The following RPGRIP1 variants were observed in gnomAD, a reference collection of about 807,000 sequenced individuals.
The protein encoded by RPGRIP1 is X-linked retinitis pigmentosa GTPase regulator-interacting protein 1.
Under a neutral mutation model 157.9 loss-of-function variants are expected in RPGRIP1, and 128 were observed. The ratio of observed to expected loss-of-function variants is 0.81; its 90% CI spans 0.70 to 0.94. The LOEUF is 0.94. RPGRIP1 is among the 40% of genes least tolerant of loss of function. The pLI, the probability that RPGRIP1 is intolerant of heterozygous loss-of-function variation, is 0.00. For synonymous variants in RPGRIP1, 554 were observed against 571.6 expected (o/e 0.97, Z 0.44); for missense variants, 1,486 against 1,545.8 (o/e 0.96, Z 0.65).
intron 6 of RPGRIP1, among the ~76,000 whole-genome samples, chr14:21,303,952 C>T (rs1881158709): frequency 6.7e-6 from 1 of 148,888 alleles, no homozygotes; most frequent in Non-Finnish European, 1.5e-5. Flanking sequence ...AACGCCATTG[C>T]ACTCTAGCCT....
intron 21 of RPGRIP1, among the ~76,000 whole-genome samples, chr14:21,338,659 T>C (rs899404201): frequency 6.7e-6 from 1 of 148,378 alleles, no homozygotes; most frequent in African/African-American, 2.4e-5. Context: ...TACTCATAGA[T>C]AAAAAATGGT....
rs1475543055 is a variant in RPGRIP1 at position 21,315,463 on chromosome 14, C to T, written c.1152-2233C>T. ...CGGAGCTTGCAGTGAGCCGAGATCG[C>T]GCCACTGCACTCCAGCCTGGGCGAC... On this transcript the variant is annotated intron_variant, in intron 10 of 24. Coordinates refer to ENST00000400017, the MANE Select transcript of RPGRIP1 (RefSeq NM_020366.4). 3.3e-5 allele frequency among the ~76,000 whole-genome samples: 5 copies of T among 150,424 alleles called. No homozygotes were observed. In the East Asian group the frequency reaches 7.9e-4, roughly 24 times the overall value.
chr14:21,321,205 T>C, intron 12 of RPGRIP1, 54 bp from the exon 13 acceptor site: 1 of 1,543,856 alleles, frequency 6.5e-7, no homozygotes. Flanking sequence ...AGAATCATTA[T>C]TACTTTACCT....
At chr14:21,334,855 C>A in intron 21 of RPGRIP1, 150 bp downstream of exon 21, 1 of 491,832 alleles carries the variant, frequency 2.0e-6, no homozygotes, top group Non-Finnish European at 3.6e-6. Flanking sequence ...CCAGCCTGAC[C>A]AACATGGAGA....
At chr14:21,285,235 A>G (rs1253562240) in intron 1 of RPGRIP1, among the ~76,000 whole-genome samples, 1 of 151,928 alleles carries the variant, frequency 6.6e-6, no homozygotes, top group Non-Finnish European at 1.5e-5. Flanking sequence ...TTCAGCTACC[A>G]AAGTCAGAGA....
intron 24 of RPGRIP1, 57 bp downstream of exon 24, chr14:21,348,359 A>C (rs1374271081): frequency 2.6e-5 from 35 of 1,323,008 alleles, no homozygotes; most frequent in Non-Finnish European, 3.5e-5. Flanking sequence ...CTAATAGTGA[A>C]TATATTTTAT....
chr14:21,312,686 T>A (rs943294824), intron 10 of RPGRIP1, among the ~76,000 whole-genome samples, 180 bp downstream of exon 10: 2 of 151,468 alleles, frequency 1.3e-5, no homozygotes, highest in African/African-American at 4.8e-5. Context: ...TAAATGTGCA[T>A]ATCCTCTTTT....
In RPGRIP1 at chr14:21,351,209, T is replaced by C. The variant is rs1566376938; in HGVS notation, c.3854T>C (p.Phe1285Ser). The C allele has an allele frequency of 1.3e-6, 2 of 1,590,294 alleles. No homozygotes were observed. The highest frequency in any genetic ancestry group is 1.7e-5 in the Admixed American group (1 of 59,166). The change falls in exon 25 of 25, where the codon TTT becomes TCT. Residue 1285 changes from phenylalanine to serine, a missense_variant. Coordinates refer to ENST00000400017, the MANE Select transcript of RPGRIP1 (RefSeq NM_020366.4). Reference protein sequence around the residue: ...AIYKEMTEDLFS With the variant: ...AIYKEMTEDLSS Reference sequence around the variant, plus strand: ...TACAAGGAGATGACTGAAGATTTGTTTTCATGAAGGAACAAGTGCTATTCC... The same window carrying C: ...TACAAGGAGATGACTGAAGATTTGTCTTCATGAAGGAACAAGTGCTATTCC...
chr14:21,341,745 G>A (rs765512174), intron 21 of RPGRIP1, among the ~76,000 whole-genome samples: 3 of 152,114 alleles, frequency 2.0e-5, no homozygotes, highest in Non-Finnish European at 4.4e-5. Flanking sequence ...CAGCGACTGT[G>A]AAGTGGGATT....
chr14:21,313,944 CTTTTTTT>C (rs537298482), intron 10 of RPGRIP1, among the ~76,000 whole-genome samples: 1 of 137,220 alleles, frequency 7.3e-6, no homozygotes, highest in East Asian at 2.1e-4. Flanking sequence ...CACTTTTATT[CTTTTTTT>C]TTTTTTTTTC....
chr14:21,339,431 C>G (rs567658821), intron 21 of RPGRIP1, among the ~76,000 whole-genome samples: 1 of 151,912 alleles, frequency 6.6e-6, no homozygotes, highest in Non-Finnish European at 1.5e-5. Flanking sequence ...GGTGACAGAG[C>G]GAAACTCGGT....
chr14:21,325,195 C>G (rs780643672), intron 15 of RPGRIP1, 37 bp from the exon 16 acceptor site: 1 of 1,570,618 alleles, frequency 6.4e-7, no homozygotes, highest in Non-Finnish European at 8.6e-7. Flanking sequence ...GCCACACCAT[C>G]TGTATTCCCC....
chr14:21,340,402 C>T (rs921274278), intron 21 of RPGRIP1, among the ~76,000 whole-genome samples: 8 of 152,188 alleles, frequency 5.3e-5, no homozygotes, highest in Non-Finnish European at 1.2e-4. Context: ...CGCCTGTAGT[C>T]CCAACACTTT....
At position 21,294,773 on chromosome 14, in the gene RPGRIP1, A is replaced by G. The variant is rs1192734148; in HGVS notation, c.182A>G (p.Lys61Arg). 1 of 1,603,824 alleles carries G rather than the reference A, an allele frequency of 6.2e-7. No homozygotes were observed. The highest frequency in any genetic ancestry group is 1.7e-5 in the Admixed American group (1 of 59,488). The change falls in exon 3 of 25, where the codon AAG (lysine) becomes AGG (arginine). Residue 61 changes from lysine (K) to arginine (R), a missense_variant. Coordinates refer to ENST00000400017, the MANE Select transcript of RPGRIP1 (RefSeq NM_020366.4). ...CTTCGCGAAGATCACATGTTGGTGA[A>G]GGAGCTTTCTTGGAAGCAACAGGAT... ...FRLREDHMLV[K>R]ELSWKQQDEI...
intron 10 of RPGRIP1, among the ~76,000 whole-genome samples, chr14:21,315,302 T>A (rs530344384): frequency 6.6e-6 from 1 of 151,598 alleles, no homozygotes; most frequent in East Asian, 2.0e-4. Flanking sequence ...GGTCAGGAGA[T>A]CGAGACCATC....
At position 21,303,296 on chromosome 14, in the gene RPGRIP1, T is replaced by G. The variant is rs1881117962; in HGVS notation, c.588-35T>G. ...GTAAGAACCCAATTCTAAACTCCTG[T>G]AACAACAGTTTCTAAGTATCCTTTT... On this transcript the variant is annotated intron_variant, in intron 5 of 24. Coordinates refer to ENST00000400017, the MANE Select transcript of RPGRIP1 (RefSeq NM_020366.4). 3.3e-6 allele frequency: 5 copies of G among 1,510,526 alleles called. No individual in the cohort carries two copies. The South Asian group carries it at 4.7e-5, about 14-fold the overall frequency. The allele number at this position is 1,510,526 out of a possible 1,614,324, so 93.6% of individuals were successfully genotyped here. A position where few individuals can be genotyped will look rare whatever the true frequency, so the allele number is the denominator to read the frequency against.
chr14:21,317,968 T>A (rs1253996081), intron 11 of RPGRIP1, 118 bp downstream of exon 11: 2 of 878,922 alleles, frequency 2.3e-6, no homozygotes, highest in Middle Eastern at 2.2e-4. Context: ...CTTTTGTGGG[T>A]TGTAGGTAAC....
At chr14:21,334,579 T>C in intron 20 of RPGRIP1, 26 bp from the exon 21 acceptor site, 1 of 1,539,218 alleles carries the variant, frequency 6.5e-7, no homozygotes, top group Non-Finnish European at 8.9e-7. Flanking sequence ...GAAACAGTTC[T>C]ATAACTGCAA....
At chr14:21,343,269 T>G (rs1238351436) in intron 22 of RPGRIP1, 41 bp downstream of exon 22, 1 of 1,480,952 alleles carries the variant, frequency 6.8e-7, no homozygotes, top group South Asian at 1.2e-5. Context: ...GGAAGTCTGA[T>G]GAACATTGAG....
Sources: gnomAD v4.1 joint callset for allele counts (sites outside exome capture counted in the v4.1 genomes callset) on GRCh38, gnomAD v4.1.1 for gene constraint, MANE v1.5 for transcripts, NCBI Gene and HGNC (gene_info 2026-07-23, HGNC 2026-07-21) for gene names.